The following ESRRG variants were observed in gnomAD, a reference collection of about 807,000 sequenced individuals.
The protein encoded by ESRRG is estrogen-related receptor gamma.
A neutral mutation model predicts 44.0 loss-of-function variants in ESRRG; 13 were observed. The ratio of observed to expected loss-of-function variants is 0.30; its 90% CI spans 0.19 to 0.47. The LOEUF (loss-of-function observed/expected upper bound fraction) is 0.47, where lower values mean the gene tolerates loss of function less well. ESRRG is among the 20% of genes least tolerant of loss of function. The pLI, the probability that ESRRG is intolerant of heterozygous loss-of-function variation, is 1.00. For synonymous variants in ESRRG, 215 were observed against 214.6 expected (o/e 1.00, Z -0.02); for missense variants, 395 against 580.6 (o/e 0.68, Z 3.29).
At chr1:216,980,623 C>T (rs1423687791) in intron 1 of ESRRG, among the ~76,000 whole-genome samples, 3 of 152,152 alleles carry the variant, frequency 2.0e-5, no homozygotes, top group African/African-American at 7.2e-5. Flanking sequence ...CTAATCTTGA[C>T]TGCTCCCCCA....
chr1:216,940,927 A>T (rs1397109364), intron 1 of ESRRG, among the ~76,000 whole-genome samples: 4 of 152,316 alleles, frequency 2.6e-5, no homozygotes, highest in East Asian at 1.9e-4. Flanking sequence ...GGATCATTTT[A>T]AAATAATTTC....
intron 1 of ESRRG, among the ~76,000 whole-genome samples, chr1:217,061,636 C>G (rs572937178): frequency 6.6e-6 from 1 of 152,204 alleles, no homozygotes; most frequent in East Asian, 1.9e-4. Flanking sequence ...AAGATAGTTT[C>G]TTTATTAAAT....
intron 1 of ESRRG, among the ~76,000 whole-genome samples, chr1:217,076,054 C>G (rs2091258450): frequency 6.6e-6 from 1 of 152,146 alleles, no homozygotes; most frequent in African/African-American, 2.4e-5. Flanking sequence ...GTTAAAAGAG[C>G]CATTATCTTT....
intron 2 of ESRRG, among the ~76,000 whole-genome samples, chr1:216,780,077 A>T (rs2093872882): frequency 6.6e-6 from 1 of 150,978 alleles, no homozygotes; most frequent in Admixed American, 6.6e-5. Flanking sequence ...GCTGAGATCT[A>T]AAAAAAAAGA....
chr1:216,908,116 C>T (rs953515935), intron 2 of ESRRG, among the ~76,000 whole-genome samples: 3 of 152,212 alleles, frequency 2.0e-5, no homozygotes, highest in African/African-American at 7.2e-5. Flanking sequence ...TTTCTCTCAA[C>T]TCTATCCAGA....
chr1:216,532,320 C>T (rs1206211245), intron 5 of ESRRG, among the ~76,000 whole-genome samples: 1 of 152,124 alleles, frequency 6.6e-6, no homozygotes, highest in East Asian at 1.9e-4. Context: ...TAAGCAGCAA[C>T]AAGCATTTTG....
chr1:217,091,297 T>A (rs2092341228), upstream of ESRRG, among the ~76,000 whole-genome samples: 1 of 152,126 alleles, frequency 6.6e-6, no homozygotes, highest in Non-Finnish European at 1.5e-5. Context: ...TTGCAAAAAA[T>A]TAAGCACAAG....
Position 217,069,612 on chromosome 1 carries a change from G to A in ESRRG, c.-106+19895C>T, listed in dbSNP as rs116348176. 4.8e-3 allele frequency among the ~76,000 whole-genome samples: 727 copies of A among 152,118 alleles called. 4 individuals are homozygous for A. The highest frequency in any genetic ancestry group is 7.9e-3 in the Non-Finnish European group (536 of 68,008). On this transcript the variant is annotated intron_variant, in intron 1 of 7. Transcript: ENST00000359162. ...ATTGCATCTCATTTCTCATACAACA[G>A]TCTAGGGCCTCTCCTCTTTTTCTGG... is the stretch of plus-strand genomic sequence containing the variant.
rs138125983 is a variant in ESRRG at position 216,622,822 on chromosome 1, C to A, written c.589+28151G>T. Among the ~76,000 whole-genome samples, 1,354 of 151,940 alleles carry A rather than the reference C, an allele frequency of 8.9e-3. 25 individuals carry two copies. The highest frequency in any genetic ancestry group is 0.031 in the African/African-American group (1,289 of 41,438). On this transcript the variant is annotated intron_variant, in intron 3 of 6. Transcript: ENST00000408911. ...TCTACATTAATTTGAGCATATGAAG[C>A]CTGAAAATAAATTACTAGTATATTT...
chr1:216,757,507 T>C (rs954485835), intron 2 of ESRRG, among the ~76,000 whole-genome samples: 2 of 152,070 alleles, frequency 1.3e-5, no homozygotes, highest in African/African-American at 4.8e-5. Context: ...ATAAACACTA[T>C]TTCAGTTTTT....
At chr1:217,069,866 T>A (rs2090334016) in intron 1 of ESRRG, among the ~76,000 whole-genome samples, 1 of 152,042 alleles carries the variant, frequency 6.6e-6, no homozygotes, top group Non-Finnish European at 1.5e-5. Context: ...AGAAAAAAAA[T>A]AATGTTGTAA....
intron 1 of ESRRG, among the ~76,000 whole-genome samples, chr1:216,952,918 G>A (rs754912524): frequency 9.9e-5 from 15 of 151,754 alleles, no homozygotes; most frequent in Non-Finnish European, 1.5e-4. Context: ...TCACTTCCAC[G>A]AATTCAACTG....
At chr1:217,073,947 C>T (rs1430356452) in intron 1 of ESRRG, among the ~76,000 whole-genome samples, 2 of 152,036 alleles carry the variant, frequency 1.3e-5, no homozygotes, top group Non-Finnish European at 2.9e-5. Flanking sequence ...CATATACACT[C>T]CATACTTACT....
At chr1:217,056,096 T>C (rs1199743115) in intron 1 of ESRRG, among the ~76,000 whole-genome samples, 1 of 152,148 alleles carries the variant, frequency 6.6e-6, no homozygotes. Flanking sequence ...AAATCCTTTT[T>C]TGAGATCCTC....
chr1:216,775,138 GAT>G, intron 2 of ESRRG, among the ~76,000 whole-genome samples: 1 of 151,986 alleles, frequency 6.6e-6, no homozygotes, highest in African/African-American at 2.4e-5. Flanking sequence ...TGTTGAATAT[GAT>G]ATGTGTATTG....
At chr1:216,865,247 C>T (rs1411612710) in intron 2 of ESRRG, 2 of 117,882 alleles carry the variant, frequency 1.7e-5, no homozygotes, top group Non-Finnish European at 3.5e-5. Flanking sequence ...GAGCACTAAC[C>T]AAAGAAATTT....
chr1:217,057,015 A>G (rs1055930585), intron 1 of ESRRG, among the ~76,000 whole-genome samples: 1 of 152,120 alleles, frequency 6.6e-6, no homozygotes, highest in Non-Finnish European at 1.5e-5. Flanking sequence ...CAAGGGGCAC[A>G]TGGGAAGGAG....
At chr1:216,683,339 G>GCCT (rs2077364616) in intron 1 of ESRRG, among the ~76,000 whole-genome samples, 1 of 152,082 alleles carries the variant, frequency 6.6e-6, no homozygotes, top group African/African-American at 2.4e-5. Flanking sequence ...TAATTTTAAG[G>GCCT]CCTCCTTTAA....
chr1:216,790,553 T>G (rs2094287525), intron 2 of ESRRG, among the ~76,000 whole-genome samples: 1 of 152,106 alleles, frequency 6.6e-6, no homozygotes, highest in African/African-American at 2.4e-5. Flanking sequence ...TGGATAGGAT[T>G]TTTAACTTGC....
Sources: allele counts gnomAD v4.1 joint callset (sites outside exome capture counted in the v4.1 genomes callset), GRCh38; gene constraint gnomAD v4.1.1; transcripts MANE v1.5; gene names NCBI Gene and HGNC (gene_info 2026-07-23, HGNC 2026-07-21).